PDE1C: variants seen among roughly 807,000 people sequenced by gnomAD.
PDE1C encodes dual specificity calcium/calmodulin-dependent 3',5'-cyclic nucleotide phosphodiesterase 1C.
Under a neutral mutation model 93.1 loss-of-function variants are expected in PDE1C, and 62 were observed. That is an observed-to-expected ratio of 0.67 (90% confidence interval 0.54 to 0.82). PDE1C has a LOEUF of 0.82. PDE1C is among the 40% of genes least tolerant of loss of function. PDE1C has a pLI of 0.00. For synonymous variants in PDE1C, 325 were observed against 310.1 expected (o/e 1.05, Z -0.50); for missense variants, 742 against 884.6 (o/e 0.84, Z 2.04).
chr7:31,911,697 T>A (rs532649572), intron 2 of PDE1C, among the ~76,000 whole-genome samples: 1 of 152,288 alleles, frequency 6.6e-6, no homozygotes, highest in African/African-American at 2.4e-5. Context: ...CACTGAAAAC[T>A]GTCACCACCA....
chr7:32,336,795 C>T (rs1435599998), intron 1 of PDE1C, among the ~76,000 whole-genome samples: 1 of 152,144 alleles, frequency 6.6e-6, no homozygotes. Context: ...CAATAACTGC[C>T]TATAGGAAAC....
At chr7:31,990,258 C>T (rs1783994365) in intron 2 of PDE1C, among the ~76,000 whole-genome samples, 1 of 152,134 alleles carries the variant, frequency 6.6e-6, no homozygotes, top group Non-Finnish European at 1.5e-5. Context: ...CTTTCCCATG[C>T]TGTTCTTGTG....
At chr7:31,688,220 C>T in the PDE1C span, among the ~76,000 whole-genome samples, 2 of 152,150 alleles carry the variant, frequency 1.3e-5, no homozygotes, top group African/African-American at 2.4e-5. Flanking sequence ...CCACTATCTT[C>T]CCCCATTTAA....
the PDE1C span, chr7:31,707,280 T>G: frequency 5.6e-6 from 9 of 1,612,962 alleles, no homozygotes; most frequent in African/African-American, 1.1e-4. Flanking sequence ...AGATAGCTAT[T>G]TAAAGATAGT....
intron 2 of PDE1C, among the ~76,000 whole-genome samples, chr7:31,987,928 G>T (rs891648869): frequency 3.3e-5 from 5 of 152,166 alleles, no homozygotes; most frequent in Non-Finnish European, 7.4e-5. Context: ...CTGTGCCTGG[G>T]GGTGACTGTG....
At chr7:31,816,701 C>A (rs894696402) in intron 14 of PDE1C, among the ~76,000 whole-genome samples, 6 of 152,100 alleles carry the variant, frequency 3.9e-5, no homozygotes, top group African/African-American at 1.2e-4. Context: ...AAATATCCAA[C>A]ACTAGAGCAA....
intron 2 of PDE1C, among the ~76,000 whole-genome samples, chr7:31,985,069 A>C (rs11975926): frequency 0.018 from 2,678 of 152,304 alleles, 74 homozygotes; most frequent in African/African-American, 0.06. Flanking sequence ...CCTAAAGAAC[A>C]AACCCTGGGA....
chr7:31,863,110 A>G (rs1794871372), intron 7 of PDE1C, among the ~76,000 whole-genome samples: 1 of 152,174 alleles, frequency 6.6e-6, no homozygotes, highest in Non-Finnish European at 1.5e-5. Flanking sequence ...CACTCACATT[A>G]AAAACATGAT....
Position 32,291,817 on chromosome 7 carries a change from G to A in PDE1C, c.85+6834C>T, listed in dbSNP as rs59632690. On this transcript the variant is annotated intron_variant, in intron 1 of 18. Transcript: ENST00000396193. ...TCAAGACTTGAAGCTCACCTCTTCC[G>A]GGAGGGGCAGGAATCGCAGAGATTT... Among the ~76,000 whole-genome samples, 13 of 152,240 alleles carry A rather than the reference G, an allele frequency of 8.5e-5. No individual in the cohort carries two copies. In the East Asian group the frequency reaches 1.2e-3, roughly 14 times the overall value.
At chr7:31,702,144 A>G in the PDE1C span, among the ~76,000 whole-genome samples, 1 of 151,918 alleles carries the variant, frequency 6.6e-6, no homozygotes, top group African/African-American at 2.4e-5. Context: ...AGGTTATGCT[A>G]TGATATGGGA....
intron 3 of PDE1C, among the ~76,000 whole-genome samples, chr7:32,094,240 A>C (rs10951321): frequency 0.85 from 129,335 of 152,080 alleles, 55,275 homozygotes; most frequent in East Asian, 0.95. Flanking sequence ...AAGAGATGCC[A>C]CAAAGAGTAA....
At chr7:32,196,102 A>T (rs1395085816) in intron 2 of PDE1C, among the ~76,000 whole-genome samples, 1 of 152,182 alleles carries the variant, frequency 6.6e-6, no homozygotes, top group Non-Finnish European at 1.5e-5. Flanking sequence ...CTCCACTGAC[A>T]TCATGATGGG....
At chr7:32,034,281 G>C (rs1202178194) in intron 2 of PDE1C, among the ~76,000 whole-genome samples, 1 of 151,992 alleles carries the variant, frequency 6.6e-6, no homozygotes, top group Non-Finnish European at 1.5e-5. Flanking sequence ...CAACAGATGG[G>C]CTGGAGCTTC....
At chr7:31,654,482 A>G in the PDE1C span, among the ~76,000 whole-genome samples, 3 of 152,172 alleles carry the variant, frequency 2.0e-5, no homozygotes, top group Non-Finnish European at 2.9e-5. Context: ...AATCTGATTT[A>G]CGTTTTGAAG....
chr7:31,994,122 G>C (rs1009795026), intron 2 of PDE1C, among the ~76,000 whole-genome samples: 16 of 152,080 alleles, frequency 1.1e-4, no homozygotes, highest in Admixed American at 7.2e-4. Context: ...AGCCCAAGGA[G>C]AGCTGCATAC....
In PDE1C at chr7:31,878,025, C is replaced by T. The variant is rs770596018; in HGVS notation, c.437G>A (p.Arg146Gln). The T allele has an allele frequency of 8.1e-6, 13 of 1,611,692 alleles. No individual in the cohort carries two copies. The highest frequency in any genetic ancestry group is 1.1e-5 in the Non-Finnish European group (13 of 1,178,620). The change falls in exon 5 of 18, where the codon CGG (arginine) becomes CAG (glutamine). Residue 146 changes from arginine (R) to glutamine (Q), a missense_variant. Physicochemically the swap from Arg to Gln is conservative, Grantham distance 43. Transcript: ENST00000396191. Reference protein sequence around the residue: ...AGIFVERMYRRTSNMVGLSYP... With the variant: ...AGIFVERMYRQTSNMVGLSYP... ...GCTCAGTCCAACCATGTTTGATGTC[C>T]GTCTATACATTCTGAAAAGCCAAAA...
At chr7:32,220,015 C>T (rs539315552) in intron 1 of PDE1C, among the ~76,000 whole-genome samples, 2 of 152,152 alleles carry the variant, frequency 1.3e-5, no homozygotes, top group Admixed American at 6.5e-5. Context: ...CTCATTCTCT[C>T]TTATCTGCCA....
intron 2 of PDE1C, among the ~76,000 whole-genome samples, chr7:32,192,595 T>C (rs1804310248): frequency 6.6e-6 from 1 of 152,136 alleles, no homozygotes; most frequent in Non-Finnish European, 1.5e-5. Context: ...AATGTAGTTA[T>C]ATAGGCCTTG....
intron 2 of PDE1C, among the ~76,000 whole-genome samples, chr7:31,911,556 A>C (rs953875306): frequency 3.3e-5 from 5 of 152,082 alleles, no homozygotes; most frequent in African/African-American, 4.8e-5. Context: ...TCCCCCTGCT[A>C]ATCTCCCCAG....
Sources: gnomAD v4.1 joint callset for allele counts (sites outside exome capture counted in the v4.1 genomes callset) on GRCh38, gnomAD v4.1.1 for gene constraint, MANE v1.5 for transcripts, NCBI Gene and HGNC (gene_info 2026-07-23, HGNC 2026-07-21) for gene names.